Variants in PTPDC1 observed in about 807,000 individuals in gnomAD.
PTPDC1 encodes the protein protein tyrosine phosphatase domain-containing protein 1.
In PTPDC1, 53 loss-of-function variants were observed where a neutral mutation model predicts 75.3. The ratio of observed to expected loss-of-function variants is 0.70; its 90% CI spans 0.56 to 0.88. PTPDC1 has a LOEUF of 0.88. Ranked by LOEUF, PTPDC1 falls within the 40% of genes least tolerant of loss-of-function variation. The probability of loss-of-function intolerance (pLI) is 0.00; values close to 1 mark genes in which losing one functional copy is unlikely to be tolerated. For synonymous variants in PTPDC1, 349 were observed against 366.2 expected, an observed-to-expected ratio of 0.95 and a Z score of 0.54; for missense variants, 925 against 998.6, an observed-to-expected ratio of 0.93 and a Z score of 0.99.
chr9:94,090,261 G>T (rs1044409879), intron 4 of PTPDC1, among the ~76,000 whole-genome samples: 1 of 99,620 alleles, frequency 1.0e-5, no homozygotes, highest in Non-Finnish European at 1.9e-5. Context: ...TTTGTATAAG[G>T]TGTAAGGAAG....
intron 1 of PTPDC1, among the ~76,000 whole-genome samples, chr9:94,037,621 A>G (rs1485301528): frequency 6.6e-6 from 1 of 152,122 alleles, no homozygotes. Context: ...AACAGGGACC[A>G]GAAGAATACT....
chr9:94,071,776 CA>C (rs1378214691), intron 2 of PTPDC1, among the ~76,000 whole-genome samples: 1 of 152,068 alleles, frequency 6.6e-6, no homozygotes, highest in Admixed American at 6.5e-5. Context: ...TTTATGTCAG[CA>C]AAAAATATTA....
In PTPDC1 at chr9:94,108,111, T is replaced by G. The variant is rs1331041540; in HGVS notation, c.*167T>G. The G allele has an allele frequency of 2.6e-6, 1 of 392,020 alleles. No homozygotes were observed. 24.3% of individuals were successfully genotyped at this position (392,020 alleles called of 1,614,324 possible). A position where few individuals can be genotyped will look rare whatever the true frequency, so the allele number is the denominator to read the frequency against. ...CCGTATTTGAACCAATTATTTATTT[T>G]AAAATATATTTAAGCTACATTTTTG... On this transcript the variant is annotated 3_prime_UTR_variant, in exon 9 of 9. Transcript: ENST00000620992.
At chr9:94,094,649 G>A (rs1827474002) in intron 4 of PTPDC1, among the ~76,000 whole-genome samples, 2 of 152,204 alleles carry the variant, frequency 1.3e-5, no homozygotes, top group South Asian at 4.1e-4. Flanking sequence ...AGCAAGCCTG[G>A]GCAATGGCGG....
upstream of PTPDC1, among the ~76,000 whole-genome samples, chr9:94,080,994 C>CTTTTTT (rs61391032): frequency 1.7e-5 from 2 of 117,902 alleles, no homozygotes; most frequent in African/African-American, 3.0e-5. Context: ...TTTTCTTTTT[C>CTTTTTT]TTTTTTTTTT....
chr9:94,044,776 C>G (rs1160511776), intron 1 of PTPDC1, among the ~76,000 whole-genome samples: 1 of 147,966 alleles, frequency 6.8e-6, no homozygotes, highest in Admixed American at 6.9e-5. Flanking sequence ...ATATGAAGTT[C>G]AGTAGAAGTG....
chr9:94,067,654 T>C (rs955077949), intron 2 of PTPDC1, among the ~76,000 whole-genome samples: 4 of 152,042 alleles, frequency 2.6e-5, no homozygotes, highest in Admixed American at 2.6e-4. Context: ...CAGGCTGGAG[T>C]GCAGTGGCAC....
At chr9:94,091,992 T>C (rs1413029707) in intron 4 of PTPDC1, among the ~76,000 whole-genome samples, 4 of 148,898 alleles carry the variant, frequency 2.7e-5, no homozygotes, top group African/African-American at 1.0e-4. Flanking sequence ...TTATTAGTCT[T>C]GCTAGCGGTC....
intron 8 of PTPDC1, 106 bp downstream of exon 8, chr9:94,104,491 G>A: frequency 1.5e-6 from 1 of 656,984 alleles, no homozygotes; most frequent in Non-Finnish European, 2.6e-6. Context: ...ACATGTATGT[G>A]TATGTTTTCC....
intron 8 of PTPDC1, among the ~76,000 whole-genome samples, chr9:94,104,841 G>A (rs1044720613): frequency 6.6e-6 from 1 of 152,100 alleles, no homozygotes; most frequent in Non-Finnish European, 1.5e-5. Context: ...TTAAAAAAAA[G>A]GTTTCCTTTC....
Position 94,050,273 on chromosome 9 carries a change from G to A in PTPDC1, c.-6-14461G>A, listed in dbSNP as rs1216044873. The stretch of plus-strand genomic sequence containing the variant: ...TGCTGGTGAGGAGCTGTGTTCCTTT[G>A]GAGGAGGAGAGGCGCTCTGATTTTT... On this transcript the variant is annotated intron_variant, in intron 1 of 9. Transcript: ENST00000375360. 2.0e-5 allele frequency among the ~76,000 whole-genome samples: 3 copies of A among 152,196 alleles called. No individual in the cohort carries two copies. The South Asian group carries it at 6.2e-4, about 31-fold the overall frequency.
chr9:94,094,882 AC>A (rs1206003719), intron 4 of PTPDC1, among the ~76,000 whole-genome samples: 1 of 152,120 alleles, frequency 6.6e-6, no homozygotes, highest in Non-Finnish European at 1.5e-5. Context: ...CAGAAAGGGA[AC>A]CCCCTGACCC....
chr9:94,097,285 T>A (rs746216134), intron 5 of PTPDC1, 36 bp from the exon 6 acceptor site: 1 of 1,348,026 alleles, frequency 7.4e-7, no homozygotes, highest in South Asian at 1.4e-5. Context: ...AAATGTAAGC[T>A]TTTCTCATAC....
At chr9:94,060,872 C>A (rs567008750) in intron 1 of PTPDC1, among the ~76,000 whole-genome samples, 1 of 152,134 alleles carries the variant, frequency 6.6e-6, no homozygotes, top group African/African-American at 2.4e-5. Context: ...CATGAGAGTT[C>A]GGTGGGGATG....
intron 4 of PTPDC1, among the ~76,000 whole-genome samples, chr9:94,089,512 T>C (rs1267941175): frequency 5.9e-5 from 6 of 101,662 alleles, no homozygotes; most frequent in Admixed American, 4.6e-4. Context: ...AAGTCTTTGC[T>C]ATTGTGAATA....
Position 94,107,858 on chromosome 9 carries a change from G to A in PTPDC1, c.2341G>A (p.Val781Ile). 6.2e-7 allele frequency: 1 copy of A among 1,607,392 alleles called. No homozygotes were observed. ...VNFDSENGPTVYNTLKKIFKH... is the reference protein window; with the variant it reads ...VNFDSENGPTIYNTLKKIFKH... ...TTTTGATTCTGAAAATGGACCAACAGTTTACAACACCCTGAAGAAAATATT... is the reference window on the plus strand; with the variant it reads ...TTTTGATTCTGAAAATGGACCAACAATTTACAACACCCTGAAGAAAATATT... The change falls in exon 9 of 9, where the codon GTT becomes ATT. Residue 781 changes from valine (V) to isoleucine (I), a missense_variant. Coordinates refer to ENST00000620992, the MANE Select transcript of PTPDC1 (RefSeq NM_001253829.2).
At chr9:94,086,337 C>T (rs1428370988) in intron 2 of PTPDC1, among the ~76,000 whole-genome samples, 1 of 152,160 alleles carries the variant, frequency 6.6e-6, no homozygotes, top group Non-Finnish European at 1.5e-5. Context: ...TAGCTTAGGT[C>T]ATTTGCATAT....
chr9:94,053,795 T>A (rs1477440098), intron 1 of PTPDC1, among the ~76,000 whole-genome samples: 1 of 152,218 alleles, frequency 6.6e-6, no homozygotes, highest in Non-Finnish European at 1.5e-5. Context: ...GATATAAATG[T>A]GATCAGGAAG....
chr9:94,055,052 GT>G (rs1394277064), intron 1 of PTPDC1, among the ~76,000 whole-genome samples: 1 of 152,136 alleles, frequency 6.6e-6, no homozygotes, highest in Admixed American at 6.5e-5. Context: ...CGAATATTAT[GT>G]TGCCTAGTTC....
Sources: allele counts gnomAD v4.1 joint callset (sites outside exome capture counted in the v4.1 genomes callset), GRCh38; gene constraint gnomAD v4.1.1; transcripts MANE v1.5; gene names NCBI Gene and HGNC (gene_info 2026-07-23, HGNC 2026-07-21).